The following OPRD1 variants were observed in gnomAD, a reference collection of about 807,000 sequenced individuals.
The protein encoded by OPRD1 is delta-type opioid receptor.
OPRD1 carries 19 observed loss-of-function variants against 17.5 expected under a neutral mutation model. That is an observed-to-expected ratio of 1.09 (90% CI 0.76 to 1.60). The LOEUF is 1.60. Ranked by LOEUF, OPRD1 falls within the 40% of genes most tolerant of loss-of-function variation. OPRD1 has a pLI of 0.00. For synonymous variants in OPRD1, 256 were observed against 240.9 expected, an observed-to-expected ratio of 1.06 and a Z score of -0.58; for missense variants, 483 against 547.2, an observed-to-expected ratio of 0.88 and a Z score of 1.17.
At position 28,820,193 on chromosome 1, in the gene OPRD1, ATTTTTTTTT is replaced by A. The variant is rs1271417329; in HGVS notation, c.227+7596_227+7604del. Among the ~76,000 whole-genome samples, 761 of 128,894 alleles carry A rather than the reference ATTTTTTTTT, an allele frequency of 5.9e-3. 9 individuals are homozygous for A. The highest frequency in any genetic ancestry group is 0.021 in the African/African-American group (714 of 33,688). The allele number at this position is 128,894 out of a possible 152,430, so 84.6% of individuals were successfully genotyped here. A position where few individuals can be genotyped will look rare whatever the true frequency, so the allele number is the denominator to read the frequency against. Reference sequence around the variant, plus strand: ...ATTTATCGAGCCTCAGAGGAACTAGATTTTTTTTTTTTTTTTTTTTTGAGATAGTCTCGC... The same window carrying A: ...ATTTATCGAGCCTCAGAGGAACTAGATTTTTTTTTTTTGAGATAGTCTCGC... On this transcript the variant is annotated intron_variant, in intron 1 of 2. Coordinates refer to ENST00000234961, the MANE Select transcript of OPRD1 (RefSeq NM_000911.4).
chr1:28,819,385 T>G (rs1463596556), intron 1 of OPRD1, among the ~76,000 whole-genome samples: 1 of 152,186 alleles, frequency 6.6e-6, no homozygotes, highest in Non-Finnish European at 1.5e-5. Flanking sequence ...CTGTTCCTGC[T>G]GCATCTCTTG....
chr1:28,813,965 G>A (rs527926000), intron 1 of OPRD1, among the ~76,000 whole-genome samples: 1 of 152,284 alleles, frequency 6.6e-6, no homozygotes, highest in South Asian at 2.1e-4. Context: ...AGCGCAGAAC[G>A]TGGTGTGTTG....
At chr1:28,852,166 A>G (rs900637824) in intron 1 of OPRD1, among the ~76,000 whole-genome samples, 1 of 40,640 alleles carries the variant, frequency 2.5e-5, no homozygotes, top group Non-Finnish European at 6.4e-5. Context: ...ACTCCATGTA[A>G]AAAAAAAAAA....
chr1:28,869,786 C>G lies in OPRD1; in HGVS notation c.*6503C>G, dbSNP rs1474792250. 6.6e-6 allele frequency: 1 copy of G among 152,218 alleles called. No individual in the cohort carries two copies. The highest frequency in any genetic ancestry group is 1.5e-5 in the Non-Finnish European group (1 of 68,058). 9.4% of individuals were successfully genotyped at this position (152,218 alleles called of 1,614,324 possible). ...ATCCAGCTCACAGTCACAGGCTGAG[C>G]ATTCCCTGTGCTGGGTTCTGTACCT... On this transcript the variant is annotated 3_prime_UTR_variant, in exon 3 of 3. Coordinates refer to ENST00000234961, the MANE Select transcript of OPRD1 (RefSeq NM_000911.4).
intron 1 of OPRD1, among the ~76,000 whole-genome samples, chr1:28,851,797 G>C (rs1040305154): frequency 7.3e-5 from 11 of 150,310 alleles, no homozygotes; most frequent in Non-Finnish European, 1.2e-4. Context: ...CTTGAACCGG[G>C]GAGGCGGAGG....
At chr1:28,817,782 G>A (rs1030196374) in intron 1 of OPRD1, among the ~76,000 whole-genome samples, 2 of 151,614 alleles carry the variant, frequency 1.3e-5, no homozygotes, top group African/African-American at 4.8e-5. Context: ...TCGGCTCACT[G>A]CAACCTCTGC....
chr1:28,828,362 T>G (rs1344464364), intron 1 of OPRD1, among the ~76,000 whole-genome samples: 1 of 152,182 alleles, frequency 6.6e-6, no homozygotes, highest in Non-Finnish European at 1.5e-5. Flanking sequence ...CTTAAAATAC[T>G]CCATCAACCA....
chr1:28,834,231 T>C (rs2088831140), intron 1 of OPRD1, among the ~76,000 whole-genome samples: 1 of 151,616 alleles, frequency 6.6e-6, no homozygotes, highest in South Asian at 2.1e-4. Context: ...TGTGTCCCCA[T>C]GACAGTGCTG....
rs204063 is a variant in OPRD1, at chr1:28,869,954, T to G, written c.*6671T>G. 0.7 allele frequency: 106,057 copies of G among 152,080 alleles called. 37,284 individuals carry two copies. The highest frequency in any genetic ancestry group is 0.91 in the East Asian group (4,714 of 5,174). The allele number at this position is 152,080 out of a possible 1,614,324, so 9.4% of individuals were successfully genotyped here. ...TCTGACTGACTGCCATGTTGTTGCCTTGTGACCTTGGGCATGTCATTTCAC... is the reference window on the plus strand; with the variant it reads ...TCTGACTGACTGCCATGTTGTTGCCGTGTGACCTTGGGCATGTCATTTCAC... On this transcript the variant is annotated 3_prime_UTR_variant, in exon 3 of 3. Coordinates refer to ENST00000234961, the MANE Select transcript of OPRD1 (RefSeq NM_000911.4).
chr1:28,839,270 T>G (rs1413278498), intron 1 of OPRD1, among the ~76,000 whole-genome samples: 1 of 152,160 alleles, frequency 6.6e-6, no homozygotes, highest in Non-Finnish European at 1.5e-5. Flanking sequence ...TGCAGCTGCA[T>G]CGTCTAATTT....
chr1:28,828,081 T>C (rs1382011469), intron 1 of OPRD1, among the ~76,000 whole-genome samples: 1 of 152,078 alleles, frequency 6.6e-6, no homozygotes, highest in Non-Finnish European at 1.5e-5. Flanking sequence ...TTTTCCAGCT[T>C]TCAGTTTCCT....
chr1:28,823,920 G>C (rs1569608383), intron 1 of OPRD1, among the ~76,000 whole-genome samples: 1 of 148,368 alleles, frequency 6.7e-6, no homozygotes, highest in East Asian at 2.1e-4. Context: ...GCTAACACCT[G>C]TAATCGCAGC....
intron 1 of OPRD1, among the ~76,000 whole-genome samples, chr1:28,819,303 G>A (rs1341108193): frequency 6.6e-6 from 1 of 152,082 alleles, no homozygotes; most frequent in Admixed American, 6.6e-5. Flanking sequence ...AAGGAAGGAG[G>A]CAGCAGGAGG....
intron 1 of OPRD1, among the ~76,000 whole-genome samples, chr1:28,854,863 G>T (rs1047192773): frequency 2.0e-4 from 31 of 151,872 alleles, no homozygotes; most frequent in Admixed American, 2.0e-3. Context: ...TGTTAGTCAG[G>T]CTGGTCTCGA....
intron 1 of OPRD1, among the ~76,000 whole-genome samples, chr1:28,835,885 C>A (rs910056281): frequency 6.6e-6 from 1 of 152,136 alleles, no homozygotes; most frequent in Admixed American, 6.6e-5. Context: ...TCCCTCTGAG[C>A]CTCAACATTC....
intron 1 of OPRD1, among the ~76,000 whole-genome samples, chr1:28,836,864 G>A (rs990438802): frequency 3.9e-5 from 6 of 152,050 alleles, no homozygotes; most frequent in Admixed American, 6.6e-5. Context: ...TTATAGCAGC[G>A]GTCCCGAACC....
chr1:28,861,696 C>G lies in OPRD1; in HGVS notation c.578-1046C>G, dbSNP rs149512752. On this transcript the variant is annotated intron_variant, in intron 2 of 2. Coordinates refer to ENST00000234961, the MANE Select transcript of OPRD1 (RefSeq NM_000911.4). Reference sequence around the variant, plus strand: ...CTGGACTCAAGCAGTCCACCTGCCTCAGCCTCCCAAAGTGCTGGGATTACA... The same window carrying G: ...CTGGACTCAAGCAGTCCACCTGCCTGAGCCTCCCAAAGTGCTGGGATTACA... 6.6e-3 allele frequency among the ~76,000 whole-genome samples: 997 copies of G among 152,172 alleles called. 13 individuals carry two copies. The highest frequency in any genetic ancestry group is 0.023 in the African/African-American group (961 of 41,522).
chr1:28,854,986 C>T (rs1479757502), intron 1 of OPRD1, among the ~76,000 whole-genome samples: 1 of 152,060 alleles, frequency 6.6e-6, no homozygotes, highest in Non-Finnish European at 1.5e-5. Context: ...GCTGGTAGGC[C>T]CAAGGGTACA....
At chr1:28,816,636 G>A (rs1346880232) in intron 1 of OPRD1, among the ~76,000 whole-genome samples, 2 of 152,164 alleles carry the variant, frequency 1.3e-5, no homozygotes, top group African/African-American at 2.4e-5. Context: ...TCCATGAAGC[G>A]TGAGCAGGAC....
Sources: allele counts gnomAD v4.1 joint callset (sites outside exome capture counted in the v4.1 genomes callset), GRCh38; gene constraint gnomAD v4.1.1; transcripts MANE v1.5; gene names NCBI Gene and HGNC (gene_info 2026-07-23, HGNC 2026-07-21).